WDR86: variants seen among roughly 807,000 people sequenced by gnomAD.
WDR86 encodes WD repeat domain 86, also known as WD repeat-containing protein 86.
WDR86 carries 30 observed loss-of-function variants against 36.5 expected under a neutral mutation model. The ratio of observed to expected loss-of-function variants is 0.82; its 90% CI spans 0.61 to 1.11. WDR86 has a LOEUF of 1.11. Among genes scored for constraint, WDR86 ranks in the 50% most tolerant of loss-of-function variants. WDR86 has a pLI of 0.00. For synonymous variants in WDR86, 255 were observed against 252.9 expected (o/e 1.01, Z -0.08); for missense variants, 545 against 561.2 (o/e 0.97, Z 0.29).
downstream of WDR86, among the ~76,000 whole-genome samples, chr7:151,378,814 C>T (rs951901293): frequency 2.0e-5 from 3 of 152,220 alleles, no homozygotes; most frequent in African/African-American, 7.2e-5. Context: ...TTGGTTCAGG[C>T]GTGTCTTCTA....
intron 4 of WDR86, among the ~76,000 whole-genome samples, chr7:151,382,694 G>T (rs1275976592): frequency 6.6e-6 from 1 of 152,236 alleles, no homozygotes; most frequent in Non-Finnish European, 1.5e-5. Flanking sequence ...TGGACTAGAA[G>T]AACTCACTTG....
intron 1 of WDR86, among the ~76,000 whole-genome samples, chr7:151,403,949 C>T (rs929550208): frequency 6.6e-6 from 1 of 152,190 alleles, no homozygotes; most frequent in African/African-American, 2.4e-5. Flanking sequence ...CCAAGCCCAG[C>T]TGCTCCCGAC....
chr7:151,404,532 AC>A (rs1337692417), intron 1 of WDR86, among the ~76,000 whole-genome samples: 1 of 152,116 alleles, frequency 6.6e-6, no homozygotes, highest in Non-Finnish European at 1.5e-5. Flanking sequence ...AGGAGGCGGA[AC>A]CAGGCCTGCC....
chr7:151,372,314 A>G (rs985776492), downstream of WDR86, among the ~76,000 whole-genome samples: 1 of 152,262 alleles, frequency 6.6e-6, no homozygotes, highest in Non-Finnish European at 1.5e-5. Context: ...TCAGAAAATA[A>G]TGTTCTCACA....
At chr7:151,374,250 G>A, downstream of WDR86, 1 of 1,552,062 alleles carries the variant, frequency 6.4e-7, no homozygotes, top group Non-Finnish European at 8.7e-7. Context: ...GAAGGTAGCA[G>A]CTCCCTCGGG....
downstream of WDR86, chr7:151,378,051 G>A (rs1484936983): frequency 6.6e-6 from 1 of 152,200 alleles, no homozygotes; most frequent in Non-Finnish European, 1.5e-5. Context: ...ATTTTCTCCA[G>A]GTTTTTTGTG....
chr7:151,410,136 C>T (rs370915333), upstream of WDR86: 48 of 950,888 alleles, frequency 5.0e-5, no homozygotes, highest in African/African-American at 1.8e-4. Flanking sequence ...CAGCCTCCCC[C>T]CTTCGTCGCT....
At position 151,409,298 on chromosome 7, in the gene WDR86, C is replaced by A. The variant is rs1801004421; in HGVS notation, c.163+129G>T. The A allele has an allele frequency of 3.6e-6, 5 of 1,408,308 alleles. No individual in the cohort carries two copies. Among genetic ancestry groups the A allele is most frequent in the Non-Finnish European group, 4.8e-6 (5 of 1,033,232 alleles). The allele number at this position is 1,408,308 out of a possible 1,614,324, so 87.2% of individuals were successfully genotyped here. Reference sequence around the variant, plus strand: ...ATGCTGGGCCCAGACAAGCGCTCTTCCGCTAGTGTGCCGGGATGAGCGGGG... The same window carrying A: ...ATGCTGGGCCCAGACAAGCGCTCTTACGCTAGTGTGCCGGGATGAGCGGGG... On this transcript the variant is annotated intron_variant, in intron 1 of 5. Transcript: ENST00000334493. The surrounding 1 kb of genome is among the most constrained non-coding windows in gnomAD (Gnocchi z 5.2).
chr7:151,387,195 T>G (rs912837640), intron 3 of WDR86, among the ~76,000 whole-genome samples: 38 of 152,124 alleles, frequency 2.5e-4, no homozygotes, highest in Non-Finnish European at 7.4e-5. Context: ...CTGGCCAGCT[T>G]TGCAGCCCCA....
upstream of WDR86, chr7:151,410,096 C>G: frequency 1.0e-6 from 1 of 985,290 alleles, no homozygotes; most frequent in Non-Finnish European, 1.2e-6. Flanking sequence ...ACTTCTCGGG[C>G]TGCGCCCCAG....
At position 151,409,481 on chromosome 7, in the gene WDR86, C is replaced by A. The variant is rs1424915503; in HGVS notation, c.109G>T (p.Gly37Cys). 2.6e-6 allele frequency: 4 copies of A among 1,535,848 alleles called. No homozygotes were observed. Among genetic ancestry groups the A allele is most frequent in the Non-Finnish European group, 3.5e-6 (4 of 1,146,760 alleles). ...GCGGTGCTCCAGAGCCGGGCCGTGC[C>A]GTCCTCGCTGCCCGTCAGCAGGCGC... ...GQRLLTGSED[G>C]TARLWSTADG... The change falls in exon 1 of 6, where the codon GGC becomes TGC. Residue 37 changes from glycine (G) to cysteine (C), a missense_variant. Transcript: ENST00000334493. The surrounding 1 kb of genome is among the most constrained non-coding windows in gnomAD (Gnocchi z 5.2).
exon 2 of WDR86, chr7:151,375,971 C>T (rs767101044): frequency 6.8e-7 from 1 of 1,460,198 alleles, no homozygotes; most frequent in South Asian, 1.1e-5. Context: ...GTGCCCTCAG[C>T]TTGGACAGCC....
At chr7:151,396,257 C>T in intron 2 of WDR86, 61 bp from the exon 3 acceptor site, 1 of 1,576,976 alleles carries the variant, frequency 6.3e-7, no homozygotes, top group East Asian at 2.2e-5. Flanking sequence ...TCCACACAGC[C>T]TCCCGACATG....
At chr7:151,404,946 T>C (rs1800603100) in intron 1 of WDR86, among the ~76,000 whole-genome samples, 1 of 152,186 alleles carries the variant, frequency 6.6e-6, no homozygotes, top group Admixed American at 6.5e-5. Context: ...CTCCCTTCCC[T>C]GTGTCCCAGC....
Position 151,400,045 on chromosome 7 carries a change from C to T in WDR86, c.305+55G>A, listed in dbSNP as rs1421105028. 28 of 1,457,962 alleles carry T rather than the reference C, an allele frequency of 1.9e-5. No individual in the cohort carries two copies. The Admixed American group carries it at 3.0e-4, about 15-fold the overall frequency. 90.3% of individuals were successfully genotyped at this position (1,457,962 alleles called of 1,614,324 possible). A position where few individuals can be genotyped will look rare whatever the true frequency, so the allele number is the denominator to read the frequency against. On this transcript the variant is annotated intron_variant, in intron 2 of 5. Transcript: ENST00000334493. ...GGGCCCATATCTCTGACCCCTCAGC[C>T]CCACCAGAAGCCTATGTATGGTGAG... is the stretch of plus-strand genomic sequence containing the variant.
At chr7:151,372,614 G>A (rs971428725), downstream of WDR86, among the ~76,000 whole-genome samples, 10 of 152,232 alleles carry the variant, frequency 6.6e-5, no homozygotes, top group Non-Finnish European at 1.5e-4. Context: ...TGGCATGTGT[G>A]GTTGGGGTGG....
At chr7:151,391,226 C>T (rs759590427) in intron 3 of WDR86, among the ~76,000 whole-genome samples, 20 of 152,238 alleles carry the variant, frequency 1.3e-4, no homozygotes, top group Non-Finnish European at 2.1e-4. Context: ...CGGGGCCCAG[C>T]GAGGGCTAGG....
intron 2 of WDR86, among the ~76,000 whole-genome samples, chr7:151,398,216 T>C (rs1332436973): frequency 6.6e-6 from 1 of 151,966 alleles, no homozygotes; most frequent in African/African-American, 2.4e-5. Flanking sequence ...CTTGTGTAAG[T>C]TGTGTGTCTA....
chr7:151,396,807 G>A (rs961883512), intron 2 of WDR86, among the ~76,000 whole-genome samples: 2 of 152,196 alleles, frequency 1.3e-5, no homozygotes, highest in Admixed American at 6.5e-5. Flanking sequence ...GCCAGTGGGG[G>A]CCTCTGCTGC....
Sources: gnomAD v4.1 joint callset for allele counts (sites outside exome capture counted in the v4.1 genomes callset) on GRCh38, gnomAD v4.1.1 for gene constraint, Gnocchi (gnomAD v3.1) non-coding constraint, MANE v1.5 for transcripts, NCBI Gene and HGNC (gene_info 2026-07-23, HGNC 2026-07-21) for gene names.